NOS1: variants seen among roughly 807,000 people sequenced by gnomAD.
The protein encoded by NOS1 is nitric oxide synthase 1, also known as NOS type I.
In NOS1, 51 loss-of-function variants were observed where a neutral mutation model predicts 164.5. That is an observed-to-expected ratio of 0.31 (90% confidence interval 0.25 to 0.39). The LOEUF (loss-of-function observed/expected upper bound fraction) is 0.39. Ranked by LOEUF, NOS1 falls within the 10% of genes least tolerant of loss-of-function variation. The pLI is 1.00. For missense variants in NOS1, 1,362 were observed against 1,885.6 expected (o/e 0.72, Z 5.14); for synonymous variants, 719 against 745.8 (o/e 0.96, Z 0.59).
intron 16 of NOS1, chr12:117,256,020 C>A: frequency 1.4e-6 from 2 of 1,451,338 alleles, no homozygotes; most frequent in South Asian, 1.5e-5. Flanking sequence ...GGGAAAGAAA[C>A]GCAAGGGTTC....
At chr12:117,257,540 C>T (rs1051118049) in intron 16 of NOS1, among the ~76,000 whole-genome samples, 3 of 151,104 alleles carry the variant, frequency 2.0e-5, no homozygotes, top group African/African-American at 7.3e-5. Flanking sequence ...TCTAGATTAG[C>T]TGCAACTTCA....
chr12:117,215,385 G>T, intron 28 of NOS1, 61 bp from the exon 29 acceptor site: 1 of 1,448,012 alleles, frequency 6.9e-7, no homozygotes, highest in African/African-American at 1.4e-5. Context: ...TGTTTCCTCT[G>T]AGTGCCCCAG....
intron 3 of NOS1, among the ~76,000 whole-genome samples, chr12:117,309,829 C>T (rs1874341583): frequency 6.6e-6 from 1 of 152,220 alleles, no homozygotes; most frequent in Non-Finnish European, 1.5e-5. Context: ...GATCCAACCA[C>T]TATGGCAAGT....
In NOS1 at chr12:117,213,857, T is replaced by C; in HGVS notation, c.*1452A>G. The C allele has an allele frequency of 1.0e-6, 1 of 985,328 alleles. No homozygotes were observed. The highest frequency in any genetic ancestry group is 1.2e-6 in the Non-Finnish European group (1 of 829,900). The allele number at this position is 985,328 out of a possible 1,614,324, so 61.0% of individuals were successfully genotyped here. ...GTATTTAAAAAAGTATACAAAGGGATCCCTTCCCACCATTTACTCTGAGAG... is the reference window on the plus strand; with the variant it reads ...GTATTTAAAAAAGTATACAAAGGGACCCCTTCCCACCATTTACTCTGAGAG... On this transcript the variant is annotated 3_prime_UTR_variant, in exon 29 of 29. Coordinates refer to ENST00000317775, the MANE Select transcript of NOS1 (RefSeq NM_000620.5).
intron 20 of NOS1, among the ~76,000 whole-genome samples, chr12:117,240,447 G>A (rs1870073214): frequency 6.6e-6 from 1 of 152,182 alleles, no homozygotes; most frequent in South Asian, 2.1e-4. Context: ...TCTATGATAT[G>A]CTAGTTGTTT....
chr12:117,343,483 C>T (rs946502341), intron 1 of NOS1, among the ~76,000 whole-genome samples: 1 of 152,030 alleles, frequency 6.6e-6, no homozygotes, highest in Admixed American at 6.6e-5. Context: ...CCAAGCTTTG[C>T]CATTTATAAG....
In NOS1 at chr12:117,234,629, C is replaced by T. The variant is rs1869545918; in HGVS notation, c.3171G>A (p.Glu1057=). The part of the protein sequence containing the change: ...DLVNALIERL[E]DAPPVNQMVK... ...CCATCTGGTTGACAGGCGGCGCGTC[C>T]TCCAGCCGCTCGATCAGGGCATTCA... Residue 1057 remains glutamate (E), a synonymous_variant, in exon 21 of 29, where the codon GAG becomes GAA. Transcript: ENST00000317775. This position sits in a 1 kb window ranked among gnomAD's most constrained non-coding sequence, Gnocchi z 4.3. 9 of 1,614,164 alleles carry T rather than the reference C, an allele frequency of 5.6e-6. No homozygotes were observed. In the East Asian group the frequency reaches 1.8e-4, roughly 32 times the overall value.
chr12:117,227,778 G>A (rs1055293066), intron 22 of NOS1, 137 bp from the exon 23 acceptor site: 3 of 792,760 alleles, frequency 3.8e-6, no homozygotes, highest in Non-Finnish European at 6.4e-6. Context: ...TGTAATTGCA[G>A]TGCTTTGGGG....
At chr12:117,295,958 T>C (rs1873390032) in intron 3 of NOS1, among the ~76,000 whole-genome samples, 1 of 152,082 alleles carries the variant, frequency 6.6e-6, no homozygotes, top group Non-Finnish European at 1.5e-5. Flanking sequence ...TGTCACTTCC[T>C]TGTCATTCTC....
rs149160876 is a variant in NOS1, at chr12:117,219,455, C to T, written c.4170+620G>A. Among the ~76,000 whole-genome samples the T allele has an allele frequency of 5.7e-3, 863 of 152,154 alleles. 3 individuals carry two copies. Among genetic ancestry groups the T allele is most frequent in the Middle Eastern group, 0.027 (8 of 294 alleles). On this transcript the variant is annotated intron_variant, in intron 27 of 28. Transcript: ENST00000317775. The stretch of plus-strand genomic sequence containing the variant: ...CCAAGTAGCTGGGGCTACAGGTGCC[C>T]GCCACCATAGCCAGCTAATTTTTGT...
chr12:117,341,265 C>A (rs1032306051), intron 1 of NOS1, among the ~76,000 whole-genome samples: 1 of 152,108 alleles, frequency 6.6e-6, no homozygotes, highest in African/African-American at 2.4e-5. Flanking sequence ...GTCATTGGCT[C>A]CTTTTCGGAA....
chr12:117,208,598 A>C lies in NOS1; in HGVS notation c.*6711T>G. 1 of 1,192,496 alleles carries C rather than the reference A, an allele frequency of 8.4e-7. No homozygotes were observed. The highest frequency in any genetic ancestry group is 1.1e-6 in the Non-Finnish European group (1 of 941,054). The allele number at this position is 1,192,496 out of a possible 1,614,324, so 73.9% of individuals were successfully genotyped here. A position where few individuals can be genotyped will look rare whatever the true frequency, so the allele number is the denominator to read the frequency against. ...ACAATGAAAACAGTGGCGGCAGAGC[A>C]CAGGACATGGGAGGGGACTGAGACC... On this transcript the variant is annotated 3_prime_UTR_variant, in exon 29 of 29. Coordinates refer to ENST00000317775, the MANE Select transcript of NOS1 (RefSeq NM_000620.5).
chr12:117,305,850 G>A (rs1874116418), intron 3 of NOS1, among the ~76,000 whole-genome samples: 1 of 150,800 alleles, frequency 6.6e-6, no homozygotes, highest in Non-Finnish European at 1.5e-5. Flanking sequence ...GGAGTGCAGT[G>A]GTGCAGTCTC....
At chr12:117,244,523 G>A (rs1870464827) in intron 18 of NOS1, among the ~76,000 whole-genome samples, 1 of 152,162 alleles carries the variant, frequency 6.6e-6, no homozygotes, top group South Asian at 2.1e-4. Flanking sequence ...GCAGGCATGA[G>A]TCACCATGCC....
At position 117,210,489 on chromosome 12, in the gene NOS1, G is replaced by C. The variant is rs1386265490; in HGVS notation, c.*4820C>G. 1 of 985,362 alleles carries C rather than the reference G, an allele frequency of 1.0e-6. No individual in the cohort carries two copies. Among genetic ancestry groups the C allele is most frequent in the Non-Finnish European group, 1.2e-6 (1 of 830,004 alleles). The allele number at this position is 985,362 out of a possible 1,614,324, so 61.0% of individuals were successfully genotyped here. On this transcript the variant is annotated 3_prime_UTR_variant, in exon 29 of 29. Coordinates refer to ENST00000317775, the MANE Select transcript of NOS1 (RefSeq NM_000620.5). ...TGCTGGGTATGTGGGGCAGCGGGTA[G>C]GGAAATATACAAGGAAACATGGCTG...
In NOS1 at chr12:117,242,165, G is replaced by A. The variant is rs1870230032; in HGVS notation, c.3041+462C>T. Among the ~76,000 whole-genome samples, 3 of 152,166 alleles carry A rather than the reference G, an allele frequency of 2.0e-5. No homozygotes were observed. The South Asian group carries it at 6.2e-4, about 32-fold the overall frequency. Reference sequence around the variant, plus strand: ...ATATTAAGCTAATTTCTAACACTTAGGACTTCAAAACACAGAGTGGGCTGT... The same window carrying A: ...ATATTAAGCTAATTTCTAACACTTAAGACTTCAAAACACAGAGTGGGCTGT... On this transcript the variant is annotated intron_variant, in intron 20 of 28. Transcript: ENST00000317775.
At chr12:117,289,560 C>T (rs1490236815) in intron 4 of NOS1, among the ~76,000 whole-genome samples, 1 of 152,190 alleles carries the variant, frequency 6.6e-6, no homozygotes, top group African/African-American at 2.4e-5. Context: ...ACGTGCAGAA[C>T]GTGCAGGTTT....
At chr12:117,244,853 A>T (rs1870497064) in intron 18 of NOS1, among the ~76,000 whole-genome samples, 1 of 152,204 alleles carries the variant, frequency 6.6e-6, no homozygotes, top group African/African-American at 2.4e-5. Flanking sequence ...GCACAGGGAA[A>T]TCTACAGAGA....
At position 117,208,184 on chromosome 12, in the gene NOS1, A is replaced by G. The variant is rs1956466823; in HGVS notation, c.*7125T>C. 7.3e-6 allele frequency: 7 copies of G among 957,946 alleles called. No individual in the cohort carries two copies. Among genetic ancestry groups the G allele is most frequent in the South Asian group, 1.6e-5 (1 of 62,764 alleles). The allele number at this position is 957,946 out of a possible 1,614,324, so 59.3% of individuals were successfully genotyped here. On this transcript the variant is annotated 3_prime_UTR_variant, in exon 29 of 29. Coordinates refer to ENST00000317775, the MANE Select transcript of NOS1 (RefSeq NM_000620.5). The stretch of plus-strand genomic sequence containing the variant: ...TATTGTAACCATAATGCAAACAAGC[A>G]TAATAGGCTTTTGTTGAATCCCATA...
Sources: gnomAD v4.1 joint callset for allele counts (sites outside exome capture counted in the v4.1 genomes callset) on GRCh38, gnomAD v4.1.1 for gene constraint, Gnocchi (gnomAD v3.1) non-coding constraint, MANE v1.5 for transcripts, NCBI Gene and HGNC (gene_info 2026-07-23, HGNC 2026-07-21) for gene names.